The following SLC4A5 variants were observed in gnomAD, a reference collection of about 807,000 sequenced individuals.
SLC4A5 encodes electrogenic sodium bicarbonate cotransporter 4.
Under a neutral mutation model 120.4 loss-of-function variants are expected in SLC4A5, and 96 were observed. That is an observed-to-expected ratio of 0.80 (90% CI 0.68 to 0.94). SLC4A5 has a LOEUF of 0.94. SLC4A5 is among the 40% of genes least tolerant of loss of function. The pLI, the probability that SLC4A5 is intolerant of heterozygous loss-of-function variation, is 0.00. For synonymous variants in SLC4A5, 550 were observed against 571.1 expected, an observed-to-expected ratio of 0.96 and a Z score of 0.53; for missense variants, 1,259 against 1,459.5, an observed-to-expected ratio of 0.86 and a Z score of 2.24.
intron 8 of SLC4A5, among the ~76,000 whole-genome samples, chr2:74,266,671 T>C (rs1017930636): frequency 6.6e-5 from 10 of 152,290 alleles, no homozygotes; most frequent in Admixed American, 5.2e-4. Flanking sequence ...AAATTCTTCA[T>C]AGATTAAAGT....
chr2:74,329,200 G>C lies in SLC4A5; in HGVS notation c.-69-1014C>G, dbSNP rs187652762. On this transcript the variant is annotated intron_variant, in intron 4 of 30. Coordinates refer to ENST00000394019, the Ensembl canonical transcript of SLC4A5. ...GATGAAGGTGTAAAGTGTAGGTGAA[G>C]TTATGAAGTACAGATGCAGGTGATG... Among the ~76,000 whole-genome samples the C allele has an allele frequency of 1.1e-3, 171 of 152,356 alleles. 1 individual carries two copies. Among genetic ancestry groups the C allele is most frequent in the Middle Eastern group, 6.8e-3 (2 of 294 alleles).
intron 8 of SLC4A5, among the ~76,000 whole-genome samples, chr2:74,271,365 C>T (rs1558888124): frequency 6.6e-6 from 1 of 152,120 alleles, no homozygotes; most frequent in Non-Finnish European, 1.5e-5. Context: ...TATAAGAATA[C>T]CCTAGATGCC....
chr2:74,221,693 C>T (rs1280918661), intron 29 of SLC4A5, among the ~76,000 whole-genome samples, 192 bp from the exon 30 acceptor site: 2 of 152,158 alleles, frequency 1.3e-5, no homozygotes, highest in East Asian at 3.9e-4. Flanking sequence ...TCAGCCAGGG[C>T]TAGGGGGTGT....
chr2:74,336,708 C>A (rs1473237886), intron 3 of SLC4A5, among the ~76,000 whole-genome samples: 1 of 152,106 alleles, frequency 6.6e-6, no homozygotes, highest in African/African-American at 2.4e-5. Context: ...GGGAGTCTTG[C>A]CTACAAGATC....
intron 6 of SLC4A5, among the ~76,000 whole-genome samples, chr2:74,305,721 CTTTTT>C (rs35627197): frequency 2.6e-5 from 3 of 115,338 alleles, no homozygotes; most frequent in Admixed American, 9.2e-5. Flanking sequence ...CTTTTCTTTC[CTTTTT>C]TTTTTTTTTT....
intron 4 of SLC4A5, 139 bp from the exon 5 acceptor site, chr2:74,328,325 T>C: frequency 2.2e-5 from 6 of 271,266 alleles, no homozygotes; most frequent in Non-Finnish European, 3.4e-5. Flanking sequence ...GGGTCAGGGA[T>C]GGATGCCTGG....
chr2:74,281,495 T>A (rs193226591), intron 8 of SLC4A5, among the ~76,000 whole-genome samples: 3 of 152,260 alleles, frequency 2.0e-5, no homozygotes, highest in African/African-American at 7.2e-5. Flanking sequence ...TCAGGCAAGG[T>A]CATTATCAGC....
chr2:74,308,378 C>T (rs1178052163), intron 6 of SLC4A5, among the ~76,000 whole-genome samples: 1 of 152,214 alleles, frequency 6.6e-6, no homozygotes, highest in East Asian at 1.9e-4. Flanking sequence ...TTTGCATCCT[C>T]ATCAGCATTT....
At chr2:74,261,644 C>T (rs937768190) in intron 11 of SLC4A5, among the ~76,000 whole-genome samples, 2 of 152,142 alleles carry the variant, frequency 1.3e-5, no homozygotes, top group Non-Finnish European at 2.9e-5. Context: ...ACCTCAAACC[C>T]ACACCCCGCC....
At chr2:74,303,065 T>C (rs1319159550) in intron 7 of SLC4A5, among the ~76,000 whole-genome samples, 3 of 150,756 alleles carry the variant, frequency 2.0e-5, no homozygotes, top group Non-Finnish European at 4.4e-5. Context: ...AGTGTTTTTT[T>C]GTGTGTGTGT....
chr2:74,249,107 T>TA (rs534446096), intron 17 of SLC4A5, among the ~76,000 whole-genome samples: 76 of 152,322 alleles, frequency 5.0e-4, no homozygotes, highest in African/African-American at 1.8e-3. Context: ...ACACATTAGA[T>TA]ACCAGTAGGA....
exon 15 of SLC4A5, chr2:74,252,991 C>T (rs1304621483): frequency 1.2e-6 from 2 of 1,614,184 alleles, no homozygotes; most frequent in South Asian, 1.1e-5. Context: ...CAGCAGAGGG[C>T]ACCTTCTTGG....
chr2:74,283,575 C>G (rs543664075), intron 8 of SLC4A5, among the ~76,000 whole-genome samples: 3 of 152,272 alleles, frequency 2.0e-5, no homozygotes, highest in South Asian at 4.1e-4. Flanking sequence ...CCTTCTGGCT[C>G]TGCACAGCAA....
intron 9 of SLC4A5, 149 bp downstream of exon 9, chr2:74,264,955 C>T: frequency 1.2e-6 from 1 of 861,440 alleles, no homozygotes; most frequent in Non-Finnish European, 1.8e-6. Flanking sequence ...TGATCCTGCC[C>T]TGGGAGCAAC....
chr2:74,312,948 G>A (rs374008791), intron 6 of SLC4A5, among the ~76,000 whole-genome samples: 23 of 150,374 alleles, frequency 1.5e-4, no homozygotes, highest in South Asian at 6.3e-4. Flanking sequence ...AATAAATAAA[G>A]TGATTATTGA....
At chr2:74,326,675 C>A (rs774062035) in intron 5 of SLC4A5, among the ~76,000 whole-genome samples, 1 of 152,042 alleles carries the variant, frequency 6.6e-6, no homozygotes, top group Non-Finnish European at 1.5e-5. Flanking sequence ...AAAAATTAGC[C>A]GAGTGTGGTG....
intron 11 of SLC4A5, among the ~76,000 whole-genome samples, chr2:74,261,582 CCTGT>C (rs1188492680): frequency 6.6e-6 from 1 of 152,186 alleles, no homozygotes; most frequent in African/African-American, 2.4e-5. Flanking sequence ...CCCCAGCTCG[CCTGT>C]CTGTGTATCC....
At chr2:74,217,094 TAC>T (rs941124737) in exon 31 of SLC4A5, 1 of 152,204 alleles carries the variant, frequency 6.6e-6, no homozygotes, top group Non-Finnish European at 1.5e-5. Flanking sequence ...CGCTGGGAAT[TAC>T]AGAGGCAATT....
At chr2:74,333,090 T>TC (rs1395312587) in intron 4 of SLC4A5, among the ~76,000 whole-genome samples, 2 of 152,106 alleles carry the variant, frequency 1.3e-5, no homozygotes, top group Admixed American at 1.3e-4. Flanking sequence ...ACAGGTGTCT[T>TC]CCCCTGGGCA....
Sources: allele counts gnomAD v4.1 joint callset (sites outside exome capture counted in the v4.1 genomes callset), GRCh38; gene constraint gnomAD v4.1.1; transcripts MANE v1.5; gene names NCBI Gene and HGNC (gene_info 2026-07-23, HGNC 2026-07-21).